Variants in IGF2 observed in about 807,000 individuals in gnomAD.
IGF2 encodes insulin-like growth factor 2.
A neutral mutation model predicts 12.0 loss-of-function variants in IGF2; 2 were observed. The ratio of observed to expected loss-of-function variants is 0.17; its 90% CI spans 0.07 to 0.52. IGF2 has a LOEUF of 0.52. Ranked by LOEUF, IGF2 falls within the 20% of genes least tolerant of loss-of-function variation. IGF2 has a pLI of 0.95. For synonymous variants in IGF2, 105 were observed against 110.1 expected (o/e 0.95, Z 0.29); for missense variants, 211 against 268.0 (o/e 0.79, Z 1.48).
chr11:2,131,461 C>G lies in IGF2; in HGVS notation c.*1526G>C, dbSNP rs143209706. On this transcript the variant is annotated 3_prime_UTR_variant, in exon 4 of 4. Transcript: ENST00000416167. The stretch of plus-strand genomic sequence containing the variant: ...GCGCATGTGTGTGTGCAGGTGGGTG[C>G]TTGCGTGTGCAACGTGTGTGCTGCG... 5 of 230,232 alleles carry G rather than the reference C, an allele frequency of 2.2e-5. No homozygotes were observed. The East Asian group carries it at 3.1e-4, about 14-fold the overall frequency. 14.3% of individuals were successfully genotyped at this position (230,232 alleles called of 1,614,324 possible).
upstream of IGF2, among the ~76,000 whole-genome samples, chr11:2,142,415 A>C (rs1044486953): frequency 1.3e-5 from 2 of 152,124 alleles, no homozygotes; most frequent in Non-Finnish European, 2.9e-5. This position sits in a 1 kb window ranked among gnomAD's most constrained non-coding sequence, Gnocchi z 5.7. Flanking sequence ...AGGTCTTAGG[A>C]CTTAGGAATT....
chr11:2,132,061 G>A lies in IGF2; in HGVS notation c.*926C>T, dbSNP rs896784719. ...GTGCGTTTGTGTGTGTGCTGTGCTCGTGTGTGTGCTGTGTTCATGCGTGTG... is the reference window on the plus strand; with the variant it reads ...GTGCGTTTGTGTGTGTGCTGTGCTCATGTGTGTGCTGTGTTCATGCGTGTG... On this transcript the variant is annotated 3_prime_UTR_variant, in exon 4 of 4. Coordinates refer to ENST00000416167, the MANE Select transcript of IGF2 (RefSeq NM_000612.6). 25 of 194,150 alleles carry A rather than the reference G, an allele frequency of 1.3e-4. No individual in the cohort carries two copies. Among genetic ancestry groups the A allele is most frequent in the Non-Finnish European group, 2.2e-4 (21 of 95,366 alleles). The allele number at this position is 194,150 out of a possible 1,614,324, so 12.0% of individuals were successfully genotyped here.
chr11:2,135,853 T>G (rs1858982647), intron 1 of IGF2, among the ~76,000 whole-genome samples: 1 of 152,182 alleles, frequency 6.6e-6, no homozygotes, highest in South Asian at 2.1e-4. Context: ...CATCCACAGC[T>G]GCAGGGGCCC....
upstream of IGF2, among the ~76,000 whole-genome samples, chr11:2,139,632 G>C (rs1398101511): frequency 6.6e-6 from 1 of 150,540 alleles, no homozygotes; most frequent in Non-Finnish European, 1.5e-5. Flanking sequence ...AGGCTGGGTG[G>C]GGGGCAGGGA....
intron 1 of IGF2, among the ~76,000 whole-genome samples, chr11:2,136,490 C>A (rs1420105081): frequency 1.3e-5 from 2 of 152,254 alleles, no homozygotes; most frequent in African/African-American, 2.4e-5. Flanking sequence ...GGCCACAGGG[C>A]CGGGTTAACC....
chr11:2,146,643 G>C, the IGF2 span: 1 of 332,976 alleles, frequency 3.0e-6, no homozygotes, highest in South Asian at 2.3e-5. Flanking sequence ...CCATTTTATT[G>C]AGTGTCTAAG....
At chr11:2,147,912 T>G in the IGF2 span, 3 of 838,276 alleles carry the variant, frequency 3.6e-6, no homozygotes, top group Non-Finnish European at 3.2e-6. The surrounding 1 kb of genome is among the most constrained non-coding windows in gnomAD (Gnocchi z 7.2). Context: ...CCTCCCCGGG[T>G]TCCTTCAGGT....
At chr11:2,140,530 G>C (rs1306085624), upstream of IGF2, 4 of 538,000 alleles carry the variant, frequency 7.4e-6, no homozygotes, top group South Asian at 2.1e-5. Context: ...CCGCGGGCTA[G>C]AGGCACTTTA....
chr11:2,149,122 T>G, the IGF2 span: 2 of 1,611,666 alleles, frequency 1.2e-6, no homozygotes, highest in South Asian at 2.2e-5. Flanking sequence ...GGGAGCCCAG[T>G]TACCTGTACT....
the IGF2 span, chr11:2,149,241 C>G: frequency 5.0e-6 from 8 of 1,613,404 alleles, no homozygotes; most frequent in African/African-American, 1.1e-4. Flanking sequence ...GATCCGCCGG[C>G]CTGGCCAATA....
chr11:2,131,905 GTGTGTGTGC>G lies in IGF2; in HGVS notation c.*1073_*1081del, dbSNP rs1469034940. On this transcript the variant is annotated 3_prime_UTR_variant, in exon 4 of 4. Transcript: ENST00000416167. ...GTGCGTTTGTGTGTGCTGTGCGTTT[GTGTGTGTGC>G]TGTGTGTGCATGTGTGTGCGTGTGT... The G allele has an allele frequency of 5.9e-6, 1 of 169,116 alleles. No individual in the cohort carries two copies. Among genetic ancestry groups the G allele is most frequent in the Non-Finnish European group, 1.2e-5 (1 of 83,432 alleles). The allele number at this position is 169,116 out of a possible 1,614,324, so 10.5% of individuals were successfully genotyped here. A position where few individuals can be genotyped will look rare whatever the true frequency, so the allele number is the denominator to read the frequency against.
At chr11:2,136,147 C>T (rs1859030191) in intron 1 of IGF2, among the ~76,000 whole-genome samples, 1 of 152,212 alleles carries the variant, frequency 6.6e-6, no homozygotes, top group Admixed American at 6.5e-5. Context: ...TGCAGCTGAG[C>T]CAGGCCTGGG....
chr11:2,137,157 G>T, intron 1 of IGF2: 1 of 882,328 alleles, frequency 1.1e-6, no homozygotes, highest in Non-Finnish European at 1.4e-6. Context: ...TGGGATGGCA[G>T]CGGGGGTCCT....
In IGF2 at chr11:2,131,571, GTGTGTGCTGTGTTCA is replaced by G. The variant is rs1351590941; in HGVS notation, c.*1401_*1415del. ...GTGCATGTGTGTGCTGTGTGTTTGT[GTGTGTGCTGTGTTCA>G]TGTGTGCTGTGCATGCGTGTGTGCT... is the stretch of plus-strand genomic sequence containing the variant. On this transcript the variant is annotated 3_prime_UTR_variant, in exon 4 of 4. Transcript: ENST00000416167. 1.8e-5 allele frequency: 4 copies of G among 219,138 alleles called. No homozygotes were observed. In the East Asian group the frequency reaches 2.7e-4, roughly 15 times the overall value. 13.6% of individuals were successfully genotyped at this position (219,138 alleles called of 1,614,324 possible).
chr11:2,139,042 G>T lies in IGF2; in HGVS notation c.-820C>A. 2.5e-6 allele frequency: 2 copies of T among 811,106 alleles called. No homozygotes were observed. Among genetic ancestry groups the T allele is most frequent in the Non-Finnish European group, 1.5e-6 (1 of 678,516 alleles). 50.2% of individuals were successfully genotyped at this position (811,106 alleles called of 1,614,324 possible). A position where few individuals can be genotyped will look rare whatever the true frequency, so the allele number is the denominator to read the frequency against. On this transcript the variant is annotated 5_prime_UTR_variant, in exon 1 of 4. Coordinates refer to ENST00000416167, the MANE Select transcript of IGF2 (RefSeq NM_000612.6). ...GAGCGGCCCGAGGCTGCGCGCCGGG[G>T]GGAGGGCTGGAGGGGGAGCGCGGGG... is the stretch of plus-strand genomic sequence containing the variant.
In IGF2 at chr11:2,132,892, G is replaced by T; in HGVS notation, c.*95C>A. On this transcript the variant is annotated 3_prime_UTR_variant, in exon 4 of 4. Transcript: ENST00000416167. ...AGAAGCCCCAGGGGGACGTGGAACC[G>T]AGAGATTTTCGGGATGGAACCTGAT... 1 of 882,924 alleles carries T rather than the reference G, an allele frequency of 1.1e-6. No homozygotes were observed. The highest frequency in any genetic ancestry group is 1.7e-5 in the South Asian group (1 of 58,268). 54.7% of individuals were successfully genotyped at this position (882,924 alleles called of 1,614,324 possible). A position where few individuals can be genotyped will look rare whatever the true frequency, so the allele number is the denominator to read the frequency against.
upstream of IGF2, chr11:2,141,018 A>G (rs1859552028): frequency 4.1e-6 from 1 of 243,508 alleles, no homozygotes; most frequent in South Asian, 3.5e-5. Context: ...ACCCGGGGAC[A>G]ATGCCCAAAT....
chr11:2,140,077 G>A, upstream of IGF2: 1 of 1,552,642 alleles, frequency 6.4e-7, no homozygotes, highest in Non-Finnish European at 8.8e-7. Flanking sequence ...GGAGCCTACG[G>A]AGGCTCCGGC....
chr11:2,140,096 G>C (rs1859456174), upstream of IGF2: 2 of 1,601,148 alleles, frequency 1.2e-6, no homozygotes, highest in African/African-American at 1.4e-5. Context: ...GCCGCCAGAG[G>C]AGAGAGGATC....
Sources: allele counts gnomAD v4.1 joint callset (sites outside exome capture counted in the v4.1 genomes callset), GRCh38; gene constraint gnomAD v4.1.1; non-coding constraint Gnocchi (gnomAD v3.1); transcripts MANE v1.5; gene names NCBI Gene and HGNC (gene_info 2026-07-23, HGNC 2026-07-21).